LITAF: variants seen among roughly 807,000 people sequenced by gnomAD.
The protein encoded by LITAF is lipopolysaccharide-induced tumor necrosis factor-alpha factor.
LITAF carries 9 observed loss-of-function variants against 14.5 expected under a neutral mutation model. The observed-to-expected ratio is 0.62, with a 90% confidence interval of 0.37 to 1.08. The LOEUF (loss-of-function observed/expected upper bound fraction) is 1.08. Ranked by LOEUF, LITAF falls within the 50% of genes least tolerant of loss-of-function variation. LITAF has a pLI of 0.01. For missense variants in LITAF, 206 were observed against 213.4 expected, an observed-to-expected ratio of 0.97 and a Z score of 0.22; for synonymous variants, 98 against 88.2, an observed-to-expected ratio of 1.11 and a Z score of -0.62.
At chr16:11,621,557 C>T (rs186332158) in intron 3 of LITAF, among the ~76,000 whole-genome samples, 43 of 152,296 alleles carry the variant, frequency 2.8e-4, no homozygotes, top group Admixed American at 5.9e-4. Flanking sequence ...GCAGAACAGA[C>T]TGGTATTAAC....
chr16:11,596,261 A>T (rs577147757), intron 1 of LITAF, among the ~76,000 whole-genome samples: 1 of 151,996 alleles, frequency 6.6e-6, no homozygotes, highest in Non-Finnish European at 1.5e-5. Context: ...GGCCCGGGTT[A>T]CCTGCTTCAG....
intron 1 of LITAF, among the ~76,000 whole-genome samples, chr16:11,566,871 G>A (rs1225343498): frequency 6.6e-6 from 1 of 152,106 alleles, no homozygotes; most frequent in East Asian, 1.9e-4. Context: ...CATAGAATCT[G>A]AGAAAACGAC....
At chr16:11,613,349 G>C (rs571486530) in intron 3 of LITAF, among the ~76,000 whole-genome samples, 1 of 152,304 alleles carries the variant, frequency 6.6e-6, no homozygotes, top group East Asian at 1.9e-4. Context: ...CATTGACAGA[G>C]AGACCAGACC....
At chr16:11,554,814 A>G (rs925693168) in intron 2 of LITAF, among the ~76,000 whole-genome samples, 2 of 149,088 alleles carry the variant, frequency 1.3e-5, no homozygotes, top group South Asian at 4.3e-4. Context: ...AAAAAAAGAG[A>G]GAACCCAGGG....
chr16:11,571,909 C>A (rs905285651), intron 1 of LITAF, among the ~76,000 whole-genome samples: 12 of 152,014 alleles, frequency 7.9e-5, no homozygotes, highest in African/African-American at 2.2e-4. Context: ...CCAGCCTGAG[C>A]AAAATGGCAA....
chr16:11,578,677 C>A (rs919589677), intron 1 of LITAF, among the ~76,000 whole-genome samples: 5 of 152,224 alleles, frequency 3.3e-5, no homozygotes, highest in Admixed American at 6.5e-5. Flanking sequence ...ATGTCATGTG[C>A]CCTCTGATGT....
At chr16:11,575,946 T>A (rs1440245265) in intron 1 of LITAF, among the ~76,000 whole-genome samples, 1 of 152,186 alleles carries the variant, frequency 6.6e-6, no homozygotes, top group East Asian at 1.9e-4. Flanking sequence ...AGTGGCGCAA[T>A]CATAGCTTAC....
At chr16:11,565,507 C>T (rs893081263) in intron 1 of LITAF, among the ~76,000 whole-genome samples, 9 of 152,016 alleles carry the variant, frequency 5.9e-5, no homozygotes, top group Non-Finnish European at 1.3e-4. Flanking sequence ...CTTACTATCC[C>T]AAGTCAAGGC....
intron 1 of LITAF, among the ~76,000 whole-genome samples, chr16:11,593,127 C>T (rs1442669684): frequency 5.3e-5 from 8 of 151,864 alleles, no homozygotes; most frequent in South Asian, 2.1e-4. Context: ...GCGGAGATTG[C>T]GCCACTGCAC....
intron 1 of LITAF, among the ~76,000 whole-genome samples, chr16:11,576,534 C>CAA (rs66551972): frequency 7.3e-4 from 46 of 62,850 alleles, no homozygotes; most frequent in East Asian, 1.3e-3. Flanking sequence ...TTACAATCTG[C>CAA]AAAAAAAAAA....
In LITAF at chr16:11,632,646, G is replaced by A. The variant is rs1414809400; in HGVS notation, c.85+887C>T. Among the ~76,000 whole-genome samples the A allele has an allele frequency of 6.6e-6, 1 of 152,204 alleles. No homozygotes were observed. Among genetic ancestry groups the A allele is most frequent in the Non-Finnish European group, 1.5e-5 (1 of 68,030 alleles). On this transcript the variant is annotated intron_variant, in intron 3 of 3. Coordinates refer to the LITAF transcript ENST00000574848. The surrounding 1 kb of genome is among the most constrained non-coding windows in gnomAD (Gnocchi z 4.8). Reference sequence around the variant, plus strand: ...AAGCCCCACCGAGCCAGAGCCAGGGGAAGAACTGATGGCTGGACCCCAGGC... The same window carrying A: ...AAGCCCCACCGAGCCAGAGCCAGGGAAAGAACTGATGGCTGGACCCCAGGC...
At chr16:11,580,563 C>T (rs1357701594) in intron 1 of LITAF, among the ~76,000 whole-genome samples, 1 of 151,784 alleles carries the variant, frequency 6.6e-6, no homozygotes, top group Non-Finnish European at 1.5e-5. Flanking sequence ...GCTGGAAGAT[C>T]TTAACTTAGG....
rs567724979 is a variant in LITAF, at chr16:11,573,047, G to T, written c.-6+13839C>A. Among the ~76,000 whole-genome samples the T allele has an allele frequency of 5.3e-5, 8 of 151,522 alleles. No homozygotes were observed. The South Asian group carries it at 1.7e-3, about 31-fold the overall frequency. On this transcript the variant is annotated intron_variant, in intron 1 of 3. Coordinates refer to ENST00000622633, the MANE Select transcript of LITAF (RefSeq NM_001136472.2). ...AGGTTCAAGCAATTCTCATGCCTCA[G>T]CCCCCTGAGTAGCTGGGACTACAGG... is the stretch of plus-strand genomic sequence containing the variant.
chr16:11,596,855 G>T (rs1230509416), intron 1 of LITAF, among the ~76,000 whole-genome samples: 1 of 151,794 alleles, frequency 6.6e-6, no homozygotes, highest in Non-Finnish European at 1.5e-5. Flanking sequence ...GAGGAAGACA[G>T]TGATGGGCAC....
Position 11,616,206 on chromosome 16 carries a change from G to T in LITAF, c.85+17327C>A, listed in dbSNP as rs914593343. ...AACTGGAATAGTGCTGGACACCGTGGCTCCCACCTGGAATCCCAATGTTTT... is the reference window on the plus strand; with the variant it reads ...AACTGGAATAGTGCTGGACACCGTGTCTCCCACCTGGAATCCCAATGTTTT... On this transcript the variant is annotated intron_variant, in intron 3 of 3. Coordinates refer to the LITAF transcript ENST00000574848. Among the ~76,000 whole-genome samples the T allele has an allele frequency of 2.6e-5, 4 of 152,248 alleles. No individual in the cohort carries two copies. The East Asian group carries it at 7.7e-4, about 29-fold the overall frequency.
At chr16:11,561,987 T>C (rs1445833521) in intron 1 of LITAF, among the ~76,000 whole-genome samples, 2 of 151,852 alleles carry the variant, frequency 1.3e-5, no homozygotes, top group Non-Finnish European at 2.9e-5. Flanking sequence ...GGCATGATCA[T>C]AGCTCGCCAC....
chr16:11,606,420 C>T (rs953774639), intron 3 of LITAF, among the ~76,000 whole-genome samples: 10 of 152,036 alleles, frequency 6.6e-5, no homozygotes, highest in African/African-American at 1.4e-4. Flanking sequence ...CCACCTGCCT[C>T]GGCCTCCCAA....
chr16:11,622,437 G>A (rs145038883), intron 3 of LITAF, among the ~76,000 whole-genome samples: 53 of 152,304 alleles, frequency 3.5e-4, no homozygotes, highest in African/African-American at 1.1e-3. Context: ...GAGAGCCCCC[G>A]GGAAGAGGCA....
chr16:11,560,265 C>G (rs933563526), intron 1 of LITAF, among the ~76,000 whole-genome samples: 10 of 152,044 alleles, frequency 6.6e-5, no homozygotes, highest in Admixed American at 4.6e-4. Context: ...CCATTGCACT[C>G]TAGCCTGGGC....
Sources: allele counts gnomAD v4.1 joint callset (sites outside exome capture counted in the v4.1 genomes callset), GRCh38; gene constraint gnomAD v4.1.1; non-coding constraint Gnocchi (gnomAD v3.1); transcripts MANE v1.5; gene names NCBI Gene and HGNC (gene_info 2026-07-23, HGNC 2026-07-21).